CHD7: variants seen among roughly 807,000 people sequenced by gnomAD.
CHD7 encodes chromodomain helicase DNA binding protein 7, also known as ATP-dependent chromatin remodeler CHD7.
Under a neutral mutation model 307.3 loss-of-function variants are expected in CHD7, and 24 were observed. That is an observed-to-expected ratio of 0.08 (90% CI 0.06 to 0.11). CHD7 has a LOEUF of 0.11. CHD7 is among the 10% of genes least tolerant of loss of function. The pLI is 1.00. For synonymous variants in CHD7, 1,363 were observed against 1,349.9 expected, an observed-to-expected ratio of 1.01 and a Z score of -0.21; for missense variants, 3,106 against 3,727.1, an observed-to-expected ratio of 0.83 and a Z score of 4.34.
In CHD7 at chr8:60,853,444, A is replaced by T; in HGVS notation, c.6719A>T (p.Asp2240Val). The part of the protein sequence containing the change: ...KSISEKGSEE[D>V]EEEKLEDDDK... The stretch of plus-strand genomic sequence containing the variant: ...ATTTCAGAGAAAGGTTCCGAAGAGG[A>T]TGAAGAGGAAAAGCTGGAGGATGAC... Residue 2240 changes from aspartate (D) to valine (V), a missense_variant, in exon 31 of 38, where the codon GAT (aspartate) becomes GTT (valine). Transcript: ENST00000423902. 1 of 1,519,738 alleles carries T rather than the reference A, an allele frequency of 6.6e-7. No individual in the cohort carries two copies. The highest frequency in any genetic ancestry group is 8.8e-7 in the Non-Finnish European group (1 of 1,137,332). 94.1% of individuals were successfully genotyped at this position (1,519,738 alleles called of 1,614,324 possible).
chr8:60,856,334 T>A, intron 33 of CHD7, 111 bp from the exon 34 acceptor site: 1 of 1,264,924 alleles, frequency 7.9e-7, no homozygotes, highest in East Asian at 2.5e-5. Context: ...TGTGCACCAG[T>A]CATGAATGCT....
At chr8:60,791,995 T>C (rs1262425686) in intron 3 of CHD7, among the ~76,000 whole-genome samples, 1 of 152,224 alleles carries the variant, frequency 6.6e-6, no homozygotes, top group Admixed American at 6.5e-5. Flanking sequence ...GTTTTTCACA[T>C]GGGTGTGGAT....
chr8:60,678,872 T>G lies in CHD7; in HGVS notation c.-385T>G, dbSNP rs957625117. Reference sequence around the variant, plus strand: ...TGCTCGGGAACTATCGGATTAAACTTGAATCGAGTGAAATTACACAAAGGA... The same window carrying G: ...TGCTCGGGAACTATCGGATTAAACTGGAATCGAGTGAAATTACACAAAGGA... On this transcript the variant is annotated 5_prime_UTR_variant, in exon 1 of 38. Coordinates refer to ENST00000423902, the MANE Select transcript of CHD7 (RefSeq NM_017780.4). 6.7e-6 allele frequency: 1 copy of G among 149,468 alleles called. No individual in the cohort carries two copies. Among genetic ancestry groups the G allele is most frequent in the Admixed American group, 6.7e-5 (1 of 14,972 alleles). The allele number at this position is 149,468 out of a possible 1,614,324, so 9.3% of individuals were successfully genotyped here.
rs1216500690 is a variant in CHD7 at position 60,856,946 on chromosome 8, T to TGATTTTC, written c.7608+61_7608+62insTTTCGAT. The stretch of plus-strand genomic sequence containing the variant: ...CACGTGTTGACAGCTGAGGGTCCTG[T>TGATTTTC]GATGCTCACGATGCTGGGCTGTGTT... On this transcript the variant is annotated intron_variant, in intron 34 of 37. Transcript: ENST00000423902. 42 of 1,438,116 alleles carry TGATTTTC rather than the reference T, an allele frequency of 2.9e-5. 1 individual carries two copies. Among genetic ancestry groups the TGATTTTC allele is most frequent in the Non-Finnish European group, 3.9e-5 (42 of 1,065,250 alleles). The allele number at this position is 1,438,116 out of a possible 1,614,324, so 89.1% of individuals were successfully genotyped here.
At chr8:60,817,879 G>C (rs1803820340) in intron 8 of CHD7, among the ~76,000 whole-genome samples, 1 of 152,174 alleles carries the variant, frequency 6.6e-6, no homozygotes, top group African/African-American at 2.4e-5. Context: ...GGGGGAGGGA[G>C]ACAGGCAAAA....
At chr8:60,851,734 A>G (rs1280746203) in intron 28 of CHD7, among the ~76,000 whole-genome samples, 1 of 152,216 alleles carries the variant, frequency 6.6e-6, no homozygotes, top group Non-Finnish European at 1.5e-5. Flanking sequence ...ATTATTGCAC[A>G]TACATTAGAG....
chr8:60,849,130 C>T lies in CHD7; in HGVS notation c.5380C>T (p.Leu1794Phe). 6.2e-7 allele frequency: 1 copy of T among 1,612,816 alleles called. No individual in the cohort carries two copies. The highest frequency in any genetic ancestry group is 1.1e-5 in the South Asian group (1 of 91,022). Residue 1794 changes from leucine (L) to phenylalanine (F), a missense_variant, in exon 25 of 38, where the codon CTC (leucine) becomes TTC (phenylalanine). Physicochemically the swap from Leu to Phe is conservative, Grantham distance 22. Coordinates refer to ENST00000423902, the MANE Select transcript of CHD7 (RefSeq NM_017780.4). ...GTGGGATAAGGAAGCAGACAAATCC[C>T]TCTTAATTGGAGTGTTCAAACATGG... ...DWWDKEADKS[L>F]LIGVFKHGYE...
At chr8:60,796,087 G>A (rs1325208364) in intron 4 of CHD7, among the ~76,000 whole-genome samples, 3 of 152,178 alleles carry the variant, frequency 2.0e-5, no homozygotes, top group Non-Finnish European at 4.4e-5. Context: ...CTTTTTGTTT[G>A]TTAGAGTAGA....
In CHD7 at chr8:60,815,690, C is replaced by T. The variant is rs1563624488; in HGVS notation, c.2499-697C>T. Among the ~76,000 whole-genome samples, 5 of 152,194 alleles carry T rather than the reference C, an allele frequency of 3.3e-5. No homozygotes were observed. In the South Asian group the frequency reaches 1.0e-3, roughly 32 times the overall value. On this transcript the variant is annotated intron_variant, in intron 7 of 37. Transcript: ENST00000423902. ...TAGATGATAGCAAGGGAAACATTCA[C>T]AGGGGACCAAGGAATATCATTGCAG...
chr8:60,809,347 C>T (rs1329737128), intron 7 of CHD7, among the ~76,000 whole-genome samples: 1 of 152,166 alleles, frequency 6.6e-6, no homozygotes, highest in African/African-American at 2.4e-5. Flanking sequence ...TGTCAGTTTA[C>T]ACATGTGGAA....
At chr8:60,790,379 G>A (rs1331577077) in intron 3 of CHD7, among the ~76,000 whole-genome samples, 1 of 152,200 alleles carries the variant, frequency 6.6e-6, no homozygotes, top group Non-Finnish European at 1.5e-5. Context: ...AATGATGTGA[G>A]ATAATGGTCA....
At chr8:60,848,487 T>G (rs548612732) in intron 23 of CHD7, 28 bp from the exon 24 acceptor site, 5 of 1,560,858 alleles carry the variant, frequency 3.2e-6, no homozygotes, top group Middle Eastern at 1.7e-4. Context: ...AGTTAAGAAC[T>G]TTTTCCCCCC....
At chr8:60,824,175 C>A in intron 13 of CHD7, 159 bp downstream of exon 13, 2 of 635,100 alleles carry the variant, frequency 3.1e-6, no homozygotes, top group Admixed American at 3.1e-5. Context: ...AAAGTTGTTG[C>A]CTTTTGGATT....
chr8:60,845,446 C>T, intron 23 of CHD7, 37 bp downstream of exon 23: 1 of 1,598,334 alleles, frequency 6.3e-7, no homozygotes, highest in Non-Finnish European at 8.5e-7. Context: ...GAGCTTAATT[C>T]CCTTTTTATT....
At position 60,853,036 on chromosome 8, in the gene CHD7, C is replaced by T; in HGVS notation, c.6311C>T (p.Ala2104Val). 1.2e-6 allele frequency: 2 copies of T among 1,613,978 alleles called. No homozygotes were observed. The highest frequency in any genetic ancestry group is 8.5e-7 in the Non-Finnish European group (1 of 1,179,900). Reference sequence around the variant, plus strand: ...CATGACCGAGACTTGCTGGTTGGTGCTGCTAAACACGGGGTCAGTCGGACG... The same window carrying T: ...CATGACCGAGACTTGCTGGTTGGTGTTGCTAAACACGGGGTCAGTCGGACG... ...GRHDRDLLVG[A>V]AKHGVSRTDY... is the part of the protein sequence containing the mutation. Residue 2104 changes from alanine to valine, a missense_variant, in exon 31 of 38, where the codon GCT (alanine) becomes GTT (valine). By Grantham distance (64) the Ala-to-Val change is moderately conservative. Coordinates refer to ENST00000423902, the MANE Select transcript of CHD7 (RefSeq NM_017780.4).
chr8:60,695,929 T>TA (rs113662566), intron 1 of CHD7, among the ~76,000 whole-genome samples: 26,680 of 152,158 alleles, frequency 0.18, 2,675 homozygotes, highest in African/African-American at 0.27. Flanking sequence ...ACTGTGTGTA[T>TA]AAAGATCTTT....
chr8:60,723,105 A>AT lies in CHD7; in HGVS notation c.-174-18146dup, dbSNP rs202193181. Among the ~76,000 whole-genome samples, 478 of 151,982 alleles carry AT rather than the reference A, an allele frequency of 3.1e-3. 3 individuals are homozygous for AT. The highest frequency in any genetic ancestry group is 0.01 in the African/African-American group (415 of 41,450). Reference sequence around the variant, plus strand: ...AATCTTTCAAATGCTGGCATATTTTATTTTTTTTAAATTTGTATTTGTTAA... The same window carrying AT: ...AATCTTTCAAATGCTGGCATATTTTATTTTTTTTTAAATTTGTATTTGTTAA... On this transcript the variant is annotated intron_variant, in intron 1 of 37. Transcript: ENST00000423902.
intron 2 of CHD7, among the ~76,000 whole-genome samples, chr8:60,744,950 G>A (rs1225032316): frequency 6.6e-6 from 1 of 151,098 alleles, no homozygotes; most frequent in Non-Finnish European, 1.5e-5. Flanking sequence ...TGAGGGAGTG[G>A]AGGTCAGGAA....
At chr8:60,788,340 C>T (rs1243049677) in intron 3 of CHD7, among the ~76,000 whole-genome samples, 1 of 151,836 alleles carries the variant, frequency 6.6e-6, no homozygotes, top group Non-Finnish European at 1.5e-5. Context: ...GAGGTTTTGT[C>T]GTGTTACCCA....
Sources: gnomAD v4.1 joint callset for allele counts (sites outside exome capture counted in the v4.1 genomes callset) on GRCh38, gnomAD v4.1.1 for gene constraint, MANE v1.5 for transcripts, NCBI Gene and HGNC (gene_info 2026-07-23, HGNC 2026-07-21) for gene names.